ASTN1: variants seen among roughly 807,000 people sequenced by gnomAD.
The protein encoded by ASTN1 is astrotactin-1.
ASTN1 carries 41 observed loss-of-function variants against 140.7 expected under a neutral mutation model. The ratio of observed to expected loss-of-function variants is 0.29; its 90% CI spans 0.23 to 0.38. The LOEUF (loss-of-function observed/expected upper bound fraction) is 0.38. Among genes scored for constraint, ASTN1 ranks in the 10% least tolerant of loss-of-function variants. The pLI, the probability that ASTN1 is intolerant of heterozygous loss-of-function variation, is 1.00. For synonymous variants in ASTN1, 640 were observed against 652.2 expected (o/e 0.98, Z 0.29); for missense variants, 1,479 against 1,678.8 (o/e 0.88, Z 2.08).
At chr1:176,993,654 A>G (rs1249401124) in intron 8 of ASTN1, among the ~76,000 whole-genome samples, 1 of 152,112 alleles carries the variant, frequency 6.6e-6, no homozygotes, top group Non-Finnish European at 1.5e-5. Flanking sequence ...TTAGCTTGTC[A>G]TTTTGCCATT....
At chr1:176,968,681 TCTTA>T (rs1672998083) in intron 8 of ASTN1, among the ~76,000 whole-genome samples, 1 of 152,214 alleles carries the variant, frequency 6.6e-6, no homozygotes, top group South Asian at 2.1e-4. Flanking sequence ...AGATGAGAAA[TCTTA>T]CTTGATTTAT....
chr1:177,154,278 A>G (rs759331157), intron 1 of ASTN1, among the ~76,000 whole-genome samples: 3 of 152,206 alleles, frequency 2.0e-5, no homozygotes, highest in Admixed American at 6.5e-5. Context: ...GTGTTGTCCA[A>G]TAAACCCTTC....
At position 176,904,251 on chromosome 1, in the gene ASTN1, C is replaced by T. The variant is rs138865536; in HGVS notation, c.2672-9421G>A. Among the ~76,000 whole-genome samples the T allele has an allele frequency of 2.2e-4, 33 of 152,310 alleles. No homozygotes were observed. In the East Asian group the frequency reaches 5.6e-3, roughly 26 times the overall value. On this transcript the variant is annotated intron_variant, in intron 16 of 22. Coordinates refer to ENST00000361833, the MANE Select transcript of ASTN1 (RefSeq NM_004319.3). ...CATGTAGGGGCTTGCAGTCCATCCC[C>T]TCAGCTTCCTCCCAGGGCTTAAGGG... is the stretch of plus-strand genomic sequence containing the variant.
intron 8 of ASTN1, among the ~76,000 whole-genome samples, chr1:176,991,693 CT>C (rs1674185403): frequency 6.6e-6 from 1 of 152,158 alleles, no homozygotes; most frequent in African/African-American, 2.4e-5. Flanking sequence ...CTTCATAATC[CT>C]GCAGAAGGGC....
intron 1 of ASTN1, among the ~76,000 whole-genome samples, chr1:177,147,836 C>CAGG (rs1682785653): frequency 6.6e-6 from 1 of 152,118 alleles, no homozygotes; most frequent in Non-Finnish European, 1.5e-5. Context: ...GAGTAGCTTG[C>CAGG]AGGAGTCTGC....
chr1:177,085,635 A>C (rs6678480), intron 1 of ASTN1, among the ~76,000 whole-genome samples: 54,701 of 151,990 alleles, frequency 0.36, 11,479 homozygotes, highest in Non-Finnish European at 0.49. Context: ...GGCAAAATGC[A>C]GCCCAGGTGG....
Position 176,862,313 on chromosome 1 carries a change from T to C in ASTN1, c.*1971A>G, listed in dbSNP as rs1380341816. On this transcript the variant is annotated 3_prime_UTR_variant, in exon 23 of 23. Transcript: ENST00000361833. ...AGAGGAGAGTGAAACCACCCTGTGC[T>C]TTATCTCAGCCTCATCACAGGCTTC... The C allele has an allele frequency of 7.1e-6, 7 of 985,352 alleles. No homozygotes were observed. The allele number at this position is 985,352 out of a possible 1,614,324, so 61.0% of individuals were successfully genotyped here.
intron 20 of ASTN1, among the ~76,000 whole-genome samples, chr1:176,877,824 G>T (rs1668626058): frequency 6.6e-6 from 1 of 152,196 alleles, no homozygotes; most frequent in Admixed American, 6.5e-5. Context: ...GAGGGAGAGA[G>T]GTGAAAAGGA....
At chr1:176,944,719 G>C (rs186049631) in intron 13 of ASTN1, among the ~76,000 whole-genome samples, 7 of 152,322 alleles carry the variant, frequency 4.6e-5, no homozygotes, top group African/African-American at 1.7e-4. Flanking sequence ...AAAGGGTAAA[G>C]ACTATGCTTT....
chr1:177,062,544 C>CTTT (rs1262248770), intron 1 of ASTN1, among the ~76,000 whole-genome samples: 2 of 128,728 alleles, frequency 1.6e-5, no homozygotes, highest in East Asian at 2.3e-4. Context: ...ATGGCCTGGC[C>CTTT]TTTTTTTTTT....
In ASTN1 at chr1:177,032,506, A is replaced by AGGGTGC; in HGVS notation, c.809_814dup (p.Arg270_Thr271dup). 5 of 1,614,078 alleles carry AGGGTGC rather than the reference A, an allele frequency of 3.1e-6. No individual in the cohort carries two copies. Among genetic ancestry groups the AGGGTGC allele is most frequent in the Non-Finnish European group, 4.2e-6 (5 of 1,180,006 alleles). On this transcript the variant is annotated inframe_insertion, in exon 3 of 23. Transcript: ENST00000361833. The stretch of plus-strand genomic sequence containing the variant: ...TTCATTGCAGCCCTGCAGGGAGTCG[A>AGGGTGC]GGGTGCGCGTGACCTGGCTGGCAAA...
chr1:176,995,721 TG>T (rs1465812217), intron 8 of ASTN1, among the ~76,000 whole-genome samples: 2 of 152,148 alleles, frequency 1.3e-5, no homozygotes, highest in Non-Finnish European at 2.9e-5. Context: ...ATTGGTGGAT[TG>T]GGGCAGAGGG....
intron 2 of ASTN1, among the ~76,000 whole-genome samples, chr1:177,052,098 C>T (rs761740078): frequency 5.9e-5 from 9 of 152,148 alleles, no homozygotes; most frequent in Non-Finnish European, 1.3e-4. Flanking sequence ...CATAACAATT[C>T]CCTGAATGGA....
intron 2 of ASTN1, among the ~76,000 whole-genome samples, chr1:177,057,789 T>C (rs538398999): frequency 1.3e-5 from 2 of 152,208 alleles, no homozygotes; most frequent in Non-Finnish European, 2.9e-5. Flanking sequence ...TTAATTTAAG[T>C]GCATTTCACT....
intron 16 of ASTN1, among the ~76,000 whole-genome samples, chr1:176,918,746 G>A (rs1378372177): frequency 1.3e-5 from 2 of 152,106 alleles, no homozygotes; most frequent in African/African-American, 2.4e-5. Flanking sequence ...ATCCAGTGCA[G>A]GAGGGATTCA....
At chr1:176,939,813 GGAA>G (rs1671637117) in intron 14 of ASTN1, among the ~76,000 whole-genome samples, 1 of 141,144 alleles carries the variant, frequency 7.1e-6, no homozygotes, top group Non-Finnish European at 1.5e-5. Flanking sequence ...GAAGAAGGAA[GGAA>G]GGAAGGAAGG....
At chr1:177,136,453 A>G (rs1040019995) in intron 1 of ASTN1, among the ~76,000 whole-genome samples, 5 of 151,644 alleles carry the variant, frequency 3.3e-5, no homozygotes, top group South Asian at 2.1e-4. Context: ...CCCAGGCTCA[A>G]GTGATTCTCC....
intron 8 of ASTN1, among the ~76,000 whole-genome samples, chr1:176,973,601 C>T (rs114711015): frequency 2.1e-3 from 320 of 152,274 alleles, no homozygotes; most frequent in African/African-American, 7.4e-3. Context: ...ATTCACTCTC[C>T]CTTTCTCCAG....
At chr1:177,013,879 G>A (rs1675414362) in intron 8 of ASTN1, among the ~76,000 whole-genome samples, 1 of 152,058 alleles carries the variant, frequency 6.6e-6, no homozygotes, top group Non-Finnish European at 1.5e-5. Flanking sequence ...CTAAAAAGTT[G>A]CTTTTAAAAA....
Sources: gnomAD v4.1 joint callset for allele counts (sites outside exome capture counted in the v4.1 genomes callset) on GRCh38, gnomAD v4.1.1 for gene constraint, MANE v1.5 for transcripts, NCBI Gene and HGNC (gene_info 2026-07-23, HGNC 2026-07-21) for gene names.